The following NAALADL2 variants were observed in gnomAD, a reference collection of about 807,000 sequenced individuals.
NAALADL2 encodes N-acetylated alpha-linked acidic dipeptidase like 2.
In NAALADL2, 76 loss-of-function variants were observed where a neutral mutation model predicts 87.2. The observed-to-expected ratio is 0.87, with a 90% CI of 0.72 to 1.05. The LOEUF (loss-of-function observed/expected upper bound fraction) is 1.05, where lower values mean the gene tolerates loss of function less well. Ranked by LOEUF, NAALADL2 falls within the 50% of genes least tolerant of loss-of-function variation. The pLI, the probability that NAALADL2 is intolerant of heterozygous loss-of-function variation, is 0.00. For synonymous variants in NAALADL2, 354 were observed against 331.0 expected (o/e 1.07, Z -0.75); for missense variants, 1,089 against 945.8 (o/e 1.15, Z -1.99).
At chr3:174,447,622 T>C (rs1353568158) in intron 1 of NAALADL2, among the ~76,000 whole-genome samples, 2 of 151,798 alleles carry the variant, frequency 1.3e-5, no homozygotes, top group Non-Finnish European at 1.5e-5. Context: ...TTGAGACCAT[T>C]CTGGCTAACA....
intron 13 of NAALADL2, among the ~76,000 whole-genome samples, chr3:175,785,239 G>A (rs1301435070): frequency 3.1e-4 from 47 of 149,734 alleles, no homozygotes; most frequent in Admixed American, 6.6e-5. Flanking sequence ...GCAGAGCTGA[G>A]TTCAATTCCT....
chr3:174,810,838 C>T (rs1720096180), intron 3 of NAALADL2, among the ~76,000 whole-genome samples: 1 of 152,134 alleles, frequency 6.6e-6, no homozygotes, highest in Non-Finnish European at 1.5e-5. Context: ...TTCATGGCTA[C>T]TCCCCCCATC....
At chr3:174,855,595 C>T (rs1662272189), upstream of NAALADL2, among the ~76,000 whole-genome samples, 1 of 151,960 alleles carries the variant, frequency 6.6e-6, no homozygotes, top group Admixed American at 6.6e-5. Flanking sequence ...ATCTTCTTTG[C>T]TAATCTATGT....
Position 175,156,746 on chromosome 3 carries a change from G to A in NAALADL2, c.545+59455G>A, listed in dbSNP as rs891082457. Among the ~76,000 whole-genome samples the A allele has an allele frequency of 7.2e-5, 11 of 152,068 alleles. 1 individual carries two copies. ...GCAATAACAACTTAGAACTTCTCAT[G>A]GGATTGTGGGTATCACATACATAGG... is the stretch of plus-strand genomic sequence containing the variant. On this transcript the variant is annotated intron_variant, in intron 2 of 13. Coordinates refer to ENST00000454872, the MANE Select transcript of NAALADL2 (RefSeq NM_207015.3).
chr3:174,615,038 A>G (rs936150576), intron 2 of NAALADL2, among the ~76,000 whole-genome samples: 4 of 152,220 alleles, frequency 2.6e-5, no homozygotes, highest in Non-Finnish European at 5.9e-5. Flanking sequence ...TTTACCTCAC[A>G]TAGGTGACTG....
intron 2 of NAALADL2, among the ~76,000 whole-genome samples, chr3:175,156,069 G>T (rs1180429620): frequency 6.6e-6 from 1 of 152,140 alleles, no homozygotes; most frequent in Non-Finnish European, 1.5e-5. Context: ...TTCCAAAGTG[G>T]TAGGTAAAAT....
intron 5 of NAALADL2, among the ~76,000 whole-genome samples, chr3:175,374,838 C>G (rs541477371): frequency 6.6e-6 from 1 of 151,420 alleles, no homozygotes; most frequent in African/African-American, 2.4e-5. Context: ...GACACTACTG[C>G]ACTCCAGCCT....
chr3:174,574,680 G>C (rs181435336), intron 2 of NAALADL2, among the ~76,000 whole-genome samples: 19 of 152,098 alleles, frequency 1.2e-4, no homozygotes, highest in Admixed American at 2.6e-4. Flanking sequence ...ACTTCATTAA[G>C]TTTTCTTGTT....
chr3:174,676,341 A>G (rs151094724), intron 2 of NAALADL2, among the ~76,000 whole-genome samples: 15 of 152,226 alleles, frequency 9.9e-5, no homozygotes, highest in African/African-American at 3.6e-4. Context: ...GAATTAGTTC[A>G]ACCATTTTAT....
chr3:174,537,497 G>C (rs1347661257), intron 1 of NAALADL2, among the ~76,000 whole-genome samples: 1 of 152,142 alleles, frequency 6.6e-6, no homozygotes, highest in African/African-American at 2.4e-5. Context: ...TAAGTGCCAG[G>C]TAGTTTACAT....
At chr3:174,549,962 C>T (rs1011801247) in intron 1 of NAALADL2, among the ~76,000 whole-genome samples, 1 of 151,884 alleles carries the variant, frequency 6.6e-6, no homozygotes, top group African/African-American at 2.4e-5. Context: ...TGAAAATACC[C>T]AAAACATTTG....
At chr3:175,701,477 T>C (rs1228537205) in intron 11 of NAALADL2, among the ~76,000 whole-genome samples, 1 of 152,202 alleles carries the variant, frequency 6.6e-6, no homozygotes, top group African/African-American at 2.4e-5. Context: ...GGTATGCCTA[T>C]GTGTGCGTGT....
At chr3:175,063,659 T>G (rs1713989804) in intron 1 of NAALADL2, among the ~76,000 whole-genome samples, 1 of 151,904 alleles carries the variant, frequency 6.6e-6, no homozygotes, top group Non-Finnish European at 1.5e-5. Flanking sequence ...TTTACTTCTA[T>G]TTTTTATAGA....
chr3:175,370,057 T>G (rs988490056), intron 5 of NAALADL2, among the ~76,000 whole-genome samples: 1 of 152,188 alleles, frequency 6.6e-6, no homozygotes, highest in African/African-American at 2.4e-5. Flanking sequence ...GCTGCTTGTC[T>G]GATCATGTTG....
At chr3:175,657,809 C>T (rs1469397308) in intron 11 of NAALADL2, among the ~76,000 whole-genome samples, 1 of 151,880 alleles carries the variant, frequency 6.6e-6, no homozygotes, top group Non-Finnish European at 1.5e-5. Context: ...TATTCCTGAC[C>T]TCGTGATCCG....
intron 9 of NAALADL2, among the ~76,000 whole-genome samples, chr3:175,565,073 G>A (rs1716893659): frequency 1.3e-5 from 2 of 152,138 alleles, no homozygotes; most frequent in Admixed American, 6.6e-5. Context: ...GCTTAACAGC[G>A]CTTTTTCTAT....
At chr3:175,197,797 G>C (rs1739239565) in intron 2 of NAALADL2, among the ~76,000 whole-genome samples, 1 of 151,920 alleles carries the variant, frequency 6.6e-6, no homozygotes, top group African/African-American at 2.4e-5. Context: ...AGCTCTTATA[G>C]AGAAGTATGG....
intron 5 of NAALADL2, among the ~76,000 whole-genome samples, chr3:175,354,878 A>ATG (rs1387337098): frequency 8.5e-6 from 1 of 117,570 alleles, no homozygotes; most frequent in Non-Finnish European, 1.9e-5. Context: ...ACATACATAT[A>ATG]TATACACACA....
At position 175,017,481 on chromosome 3, in the gene NAALADL2, A is replaced by G. The variant is rs149298880; in HGVS notation, c.44-79309A>G. On this transcript the variant is annotated intron_variant, in intron 1 of 13. Transcript: ENST00000454872. ...GTATAAACAGGGAGAAGGTCATACAATTCTGTACGTACAAGGAATCCTTCT... is the reference window on the plus strand; with the variant it reads ...GTATAAACAGGGAGAAGGTCATACAGTTCTGTACGTACAAGGAATCCTTCT... Among the ~76,000 whole-genome samples, 7 of 152,172 alleles carry G rather than the reference A, an allele frequency of 4.6e-5. No individual in the cohort carries two copies. The East Asian group carries it at 1.4e-3, about 30-fold the overall frequency.
Sources: allele counts gnomAD v4.1 joint callset (sites outside exome capture counted in the v4.1 genomes callset), GRCh38; gene constraint gnomAD v4.1.1; transcripts MANE v1.5; gene names NCBI Gene and HGNC (gene_info 2026-07-23, HGNC 2026-07-21).